The following ZMYND8 variants were observed in gnomAD, a reference collection of about 807,000 sequenced individuals.
ZMYND8 encodes zinc finger MYND-type containing 8.
Under a neutral mutation model 140.8 loss-of-function variants are expected in ZMYND8, and 37 were observed. The observed-to-expected ratio is 0.26, with a 90% confidence interval of 0.20 to 0.35. ZMYND8 has a LOEUF of 0.35. ZMYND8 is among the 10% of genes least tolerant of loss of function. ZMYND8 has a pLI of 1.00. For synonymous variants in ZMYND8, 592 were observed against 597.1 expected, an observed-to-expected ratio of 0.99 and a Z score of 0.12; for missense variants, 1,068 against 1,570.0, an observed-to-expected ratio of 0.68 and a Z score of 5.40.
At chr20:47,328,559 G>A (rs2080660594) in intron 2 of ZMYND8, among the ~76,000 whole-genome samples, 1 of 152,084 alleles carries the variant, frequency 6.6e-6, no homozygotes, top group Non-Finnish European at 1.5e-5. Flanking sequence ...TGCCTCCCAG[G>A]TTCAAGCGAT....
chr20:47,248,646 A>C (rs1029401975), intron 13 of ZMYND8, among the ~76,000 whole-genome samples: 12 of 152,232 alleles, frequency 7.9e-5, no homozygotes, highest in Non-Finnish European at 1.5e-4. Context: ...CCCTGCCCTC[A>C]AGGAGCTTCC....
In ZMYND8 at chr20:47,321,856, C is replaced by CTTTTTT. The variant is rs60425976; in HGVS notation, c.86-11658_86-11653dup. Among the ~76,000 whole-genome samples, 920 of 123,416 alleles carry CTTTTTT rather than the reference C, an allele frequency of 7.5e-3. 24 individuals are homozygous for CTTTTTT. Among genetic ancestry groups the CTTTTTT allele is most frequent in the African/African-American group, 0.028 (860 of 30,360 alleles). The allele number at this position is 123,416 out of a possible 152,430, so 81.0% of individuals were successfully genotyped here. The stretch of plus-strand genomic sequence containing the variant: ...ATCGATTTATTTAAAACTCGCCGCC[C>CTTTTTT]TTTTTTTTTTTTTTTTTTTTTTGAA... On this transcript the variant is annotated intron_variant, in intron 2 of 22. Coordinates refer to ENST00000471951, the MANE Select transcript of ZMYND8 (RefSeq NM_001281775.3).
In ZMYND8 at chr20:47,210,685, C is replaced by A; in HGVS notation, c.*76G>T. 1 of 1,612,154 alleles carries A rather than the reference C, an allele frequency of 6.2e-7. No individual in the cohort carries two copies. The highest frequency in any genetic ancestry group is 8.5e-7 in the Non-Finnish European group (1 of 1,178,712). On this transcript the variant is annotated 3_prime_UTR_variant, in exon 23 of 23. Coordinates refer to ENST00000471951, the MANE Select transcript of ZMYND8 (RefSeq NM_001281775.3). Reference sequence around the variant, plus strand: ...AAGTCTGAAAGTGGCTGTTCTCCTGCCTTTGTTGTTTCTTCTTTTCCTGGC... The same window carrying A: ...AAGTCTGAAAGTGGCTGTTCTCCTGACTTTGTTGTTTCTTCTTTTCCTGGC...
rs931125721 is a variant in ZMYND8, at chr20:47,276,673, C to A, written c.1121G>T (p.Arg374Leu). The change falls in exon 11 of 23, where the codon CGC (arginine) becomes CTC (leucine). Residue 374 changes from arginine (R) to leucine (L), a missense_variant. This residue lies in a region of ZMYND8 where 49 missense variants were observed against 94.1 expected (regional missense o/e 0.52). Coordinates refer to ENST00000471951, the MANE Select transcript of ZMYND8 (RefSeq NM_001281775.3). ...GTAATTAAAAACCCCAAACTTCCTG[C>A]GGATGTTCTCCACGTAAACCTCCAT... ...QEMEVYVENI[R>L]RKFGVFNYSP... The A allele has an allele frequency of 1.9e-6, 3 of 1,613,922 alleles. No individual in the cohort carries two copies. The highest frequency in any genetic ancestry group is 2.5e-6 in the Non-Finnish European group (3 of 1,179,998).
At chr20:47,250,530 C>T (rs1175450864) in intron 12 of ZMYND8, among the ~76,000 whole-genome samples, 1 of 152,226 alleles carries the variant, frequency 6.6e-6, no homozygotes, top group Non-Finnish European at 1.5e-5. Context: ...TATCAGGTTG[C>T]TCCCTGGACT....
chr20:47,252,137 T>C (rs1016146984), intron 12 of ZMYND8, among the ~76,000 whole-genome samples: 9 of 151,088 alleles, frequency 6.0e-5, no homozygotes, highest in Non-Finnish European at 1.3e-4. Flanking sequence ...CTACTAAAAA[T>C]AAAAAAATTA....
intron 2 of ZMYND8, among the ~76,000 whole-genome samples, chr20:47,345,589 C>A (rs1446322982): frequency 1.3e-5 from 2 of 151,532 alleles, no homozygotes; most frequent in Non-Finnish European, 2.9e-5. Context: ...CTCACTGCAA[C>A]CTCCGCCTCC....
rs761573189 is a variant in ZMYND8, at chr20:47,222,767, G to T, written c.3257-1293C>A. 2.6e-5 allele frequency among the ~76,000 whole-genome samples: 4 copies of T among 152,252 alleles called. 1 individual carries two copies. Among genetic ancestry groups the T allele is most frequent in the Non-Finnish European group, 5.9e-5 (4 of 68,046 alleles). ...ATCTCCCTAAAGACTAAAGAACAGG[G>T]CAAGGTATTCTCCAATATTGCCTTT... On this transcript the variant is annotated intron_variant, in intron 19 of 22. Coordinates refer to ENST00000471951, the MANE Select transcript of ZMYND8 (RefSeq NM_001281775.3).
chr20:47,224,000 A>G lies in ZMYND8; in HGVS notation c.3256+317T>C, dbSNP rs550188762. On this transcript the variant is annotated intron_variant, in intron 19 of 22. Transcript: ENST00000471951. ...TACTTAACAAAGAAATTGGGAATCC[A>G]TATTATCTAAAGCCACAAGTCCATT... is the stretch of plus-strand genomic sequence containing the variant. Among the ~76,000 whole-genome samples the G allele has an allele frequency of 8.7e-4, 133 of 152,318 alleles. 1 individual carries two copies. The highest frequency in any genetic ancestry group is 3.1e-3 in the African/African-American group (129 of 41,568).
intron 2 of ZMYND8, 114 bp downstream of exon 2, chr20:47,347,742 G>T (rs983266430): frequency 8.7e-5 from 86 of 993,478 alleles, no homozygotes; most frequent in African/African-American, 3.3e-5. Context: ...GAAAATCCAA[G>T]AAGAGTTACA....
chr20:47,251,790 C>T (rs1448717465), intron 12 of ZMYND8, among the ~76,000 whole-genome samples: 1 of 139,732 alleles, frequency 7.2e-6, no homozygotes, highest in Non-Finnish European at 1.5e-5. Context: ...CATCTCTGCC[C>T]GGCCGCCGCA....
At chr20:47,337,404 C>T (rs903065133) in intron 2 of ZMYND8, among the ~76,000 whole-genome samples, 1 of 152,120 alleles carries the variant, frequency 6.6e-6, no homozygotes, top group Non-Finnish European at 1.5e-5. Context: ...TGGTGGCTCA[C>T]GCCTGTAAAC....
chr20:47,311,964 A>G (rs1430420886), intron 2 of ZMYND8, among the ~76,000 whole-genome samples: 1 of 152,170 alleles, frequency 6.6e-6, no homozygotes, highest in East Asian at 1.9e-4. Flanking sequence ...TCCATGCCCA[A>G]TGGTGGTCTT....
intron 10 of ZMYND8, among the ~76,000 whole-genome samples, chr20:47,281,381 G>A (rs557339155): frequency 3.3e-5 from 5 of 152,156 alleles, no homozygotes; most frequent in African/African-American, 4.8e-5. Flanking sequence ...ATACTAACAC[G>A]CTTTCTCAAA....
chr20:47,298,786 A>C lies in ZMYND8; in HGVS notation c.396T>G (p.Ala132=). The C allele has an allele frequency of 6.2e-7, 1 of 1,614,194 alleles. No individual in the cohort carries two copies. The stretch of plus-strand genomic sequence containing the variant: ...GTTCCGATGTCAGTCTCAGACACTT[A>C]GCGTGATAAACCCGGGGACAGAGCT... The part of the protein sequence containing the change: ...CCELCPRVYH[A]KCLRLTSEPE... The change falls in exon 4 of 23, where the codon GCT becomes GCG. Residue 132 remains alanine (A), a synonymous_variant. Transcript: ENST00000471951. This position sits in a 1 kb window ranked among gnomAD's most constrained non-coding sequence, Gnocchi z 5.0.
intron 10 of ZMYND8, among the ~76,000 whole-genome samples, chr20:47,281,722 T>C (rs1205761446): frequency 6.6e-6 from 1 of 152,204 alleles, no homozygotes; most frequent in Non-Finnish European, 1.5e-5. Flanking sequence ...TCTAGGAAAC[T>C]ACTTCTATTC....
At chr20:47,234,206 G>A (rs764760618) in intron 16 of ZMYND8, among the ~76,000 whole-genome samples, 1 of 152,202 alleles carries the variant, frequency 6.6e-6, no homozygotes, top group Non-Finnish European at 1.5e-5. Context: ...ATGCCATCAT[G>A]CCAGGCTGAT....
At chr20:47,243,478 C>A (rs2040201849) in intron 14 of ZMYND8, among the ~76,000 whole-genome samples, 2 of 152,180 alleles carry the variant, frequency 1.3e-5, no homozygotes, top group Non-Finnish European at 2.9e-5. Context: ...AGTTCTACTT[C>A]TTTTAATCAA....
intron 21 of ZMYND8, among the ~76,000 whole-genome samples, chr20:47,214,326 GCA>G (rs1294795673): frequency 6.6e-6 from 1 of 152,150 alleles, no homozygotes; most frequent in Non-Finnish European, 1.5e-5. Context: ...CTGCATTCCC[GCA>G]CAGACCTCTG....
Sources: allele counts gnomAD v4.1 joint callset (sites outside exome capture counted in the v4.1 genomes callset), GRCh38; gene constraint gnomAD v4.1.1; regional missense constraint gnomAD v4.1.1; non-coding constraint Gnocchi (gnomAD v3.1); transcripts MANE v1.5; gene names NCBI Gene and HGNC (gene_info 2026-07-23, HGNC 2026-07-21).